Variants in PLEKHH1 observed in about 807,000 individuals in gnomAD.
PLEKHH1 encodes the protein pleckstrin homology, MyTH4 and FERM domain containing H1.
In PLEKHH1, 104 loss-of-function variants were observed where a neutral mutation model predicts 160.0. The ratio of observed to expected loss-of-function variants is 0.65; its 90% CI spans 0.55 to 0.76. The LOEUF is 0.76. Among genes scored for constraint, PLEKHH1 ranks in the 30% least tolerant of loss-of-function variants. PLEKHH1 has a pLI of 0.00. For synonymous variants in PLEKHH1, 619 were observed against 678.4 expected (o/e 0.91, Z 1.36); for missense variants, 1,427 against 1,724.1 (o/e 0.83, Z 3.05).
chr14:67,547,464 G>A (rs1030194140), intron 2 of PLEKHH1, among the ~76,000 whole-genome samples: 1 of 152,214 alleles, frequency 6.6e-6, no homozygotes, highest in Admixed American at 6.5e-5. Context: ...GGGTTTCTTA[G>A]GAGAGCTCCT....
rs764522434 is a variant in PLEKHH1, at chr14:67,571,773, A to G, written c.1456A>G (p.Met486Val). The G allele has an allele frequency of 6.2e-7, 1 of 1,613,956 alleles. No individual in the cohort carries two copies. The highest frequency in any genetic ancestry group is 8.5e-7 in the Non-Finnish European group (1 of 1,179,862). Reference protein sequence around the residue: ...LKGRATQISNMPFMDESSGSD... With the variant: ...LKGRATQISNVPFMDESSGSD... ...GCAGAGAGCTACACAGATCAGCAAC[A>G]TGCCCTTTATGGACGAGTCCTCTGG... The change falls in exon 10 of 29, where the codon ATG becomes GTG. Residue 486 changes from methionine to valine, a missense_variant. Physicochemically the swap from Met to Val is conservative, Grantham distance 21. This residue lies in a region of PLEKHH1 where 831 missense variants were observed against 929.2 expected (regional missense o/e 0.89). Transcript: ENST00000329153.
chr14:67,586,090 CT>C lies in PLEKHH1; in HGVS notation c.3927del (p.Lys1311ArgfsTer13). 1 of 1,613,888 alleles carries C rather than the reference CT, an allele frequency of 6.2e-7. No individual in the cohort carries two copies. Among genetic ancestry groups the C allele is most frequent in the African/African-American group, 1.3e-5 (1 of 75,046 alleles). On this transcript the variant is annotated frameshift_variant, in exon 28 of 29. Coordinates refer to ENST00000329153, the MANE Select transcript of PLEKHH1 (RefSeq NM_020715.3). LOFTEE classifies it high-confidence loss of function. ...GAGAAGTTGATCTTCCGGATGGCTG[CT>C]CCCAAGGTAGGTCTGACAGCTGTTA... The part of the protein sequence containing the change: ...HIEKLIFRMA[A>X]PKIAEATFIM...
intron 1 of PLEKHH1, among the ~76,000 whole-genome samples, chr14:67,538,515 G>A (rs1485908880): frequency 6.6e-6 from 1 of 152,184 alleles, no homozygotes; most frequent in Non-Finnish European, 1.5e-5. Context: ...TTTTATGGGA[G>A]GTATAAGTGC....
rs1426453871 is a variant in PLEKHH1, at chr14:67,577,287, C to T, written c.2462-15C>T. 1 of 1,534,850 alleles carries T rather than the reference C, an allele frequency of 6.5e-7. No individual in the cohort carries two copies. Among genetic ancestry groups the T allele is most frequent in the Non-Finnish European group, 8.8e-7 (1 of 1,131,992 alleles). On this transcript the variant is annotated splice_polypyrimidine_tract_variant and intron_variant, in intron 17 of 28. Coordinates refer to ENST00000329153, the MANE Select transcript of PLEKHH1 (RefSeq NM_020715.3). Reference sequence around the variant, plus strand: ...TAGTAACTGCCCTTGCTCTCTGGTTCCGTGCTTTGGGCAGATTCGCCGCTC... The same window carrying T: ...TAGTAACTGCCCTTGCTCTCTGGTTTCGTGCTTTGGGCAGATTCGCCGCTC...
rs978665741 is a variant in PLEKHH1 at position 67,584,180 on chromosome 14, TG to T, written c.3699+57del. 24 of 1,570,240 alleles carry T rather than the reference TG, an allele frequency of 1.5e-5. No individual in the cohort carries two copies. In the Admixed American group the frequency reaches 2.7e-4, roughly 18 times the overall value. ...CCTTAGGTGTGTCCCCAACTGCTCA[TG>T]TTTGAGCCATACCAATTTGCAGCCC... is the stretch of plus-strand genomic sequence containing the variant. On this transcript the variant is annotated intron_variant, in intron 26 of 28. Coordinates refer to ENST00000329153, the MANE Select transcript of PLEKHH1 (RefSeq NM_020715.3).
At position 67,587,064 on chromosome 14, in the gene PLEKHH1, C is replaced by T. The variant is rs1188708510; in HGVS notation, c.3934-10C>T. On this transcript the variant is annotated splice_polypyrimidine_tract_variant and intron_variant, in intron 28 of 28. Transcript: ENST00000329153. The stretch of plus-strand genomic sequence containing the variant: ...AGTTCAATTCCTTCACATCTCTGAC[C>T]TCCTCTTAGATTGCAGAAGCTACCT... 5.9e-5 allele frequency: 94 copies of T among 1,582,514 alleles called. No homozygotes were observed. The highest frequency in any genetic ancestry group is 7.9e-5 in the Non-Finnish European group (92 of 1,161,696).
Position 67,574,702 on chromosome 14 carries a change from C to T in PLEKHH1, c.2088+299C>T, listed in dbSNP as rs1047502434. The stretch of plus-strand genomic sequence containing the variant: ...GGCTGTCACCCACCCCCACCTTATA[C>T]CTGCCTCAGTGTTAATAGTGGGAGG... On this transcript the variant is annotated intron_variant, in intron 14 of 28. Coordinates refer to ENST00000329153, the MANE Select transcript of PLEKHH1 (RefSeq NM_020715.3). The surrounding 1 kb of genome is among the most constrained non-coding windows in gnomAD (Gnocchi z 4.2). 6.6e-6 allele frequency among the ~76,000 whole-genome samples: 1 copy of T among 151,848 alleles called. No homozygotes were observed. Among genetic ancestry groups the T allele is most frequent in the Non-Finnish European group, 1.5e-5 (1 of 67,908 alleles).
At chr14:67,566,749 GA>G (rs58616303) in intron 7 of PLEKHH1, among the ~76,000 whole-genome samples, 49,302 of 134,016 alleles carry the variant, frequency 0.37, 8,565 homozygotes, top group Admixed American at 0.4. Flanking sequence ...ACCCTGTCTT[GA>G]AAAAAAAAAA....
At chr14:67,569,689 A>C in intron 8 of PLEKHH1, 1 of 569,284 alleles carries the variant, frequency 1.8e-6, no homozygotes. Context: ...GGAGGAAAAA[A>C]TGGTTAAAGG....
At chr14:67,561,869 CAAAAAAAA>C in intron 5 of PLEKHH1, 77 bp from the exon 6 acceptor site, 1 of 755,740 alleles carries the variant, frequency 1.3e-6, no homozygotes, top group Non-Finnish European at 2.0e-6. Flanking sequence ...GACCCTGTCT[CAAAAAAAA>C]AAAAAAAAAG....
At chr14:67,534,227 A>C (rs1480123258) in intron 1 of PLEKHH1, among the ~76,000 whole-genome samples, 1 of 152,168 alleles carries the variant, frequency 6.6e-6, no homozygotes, top group Non-Finnish European at 1.5e-5. Context: ...CATCGGTATT[A>C]GTGTTTCTGC....
At chr14:67,541,219 A>C (rs2033952440) in intron 1 of PLEKHH1, among the ~76,000 whole-genome samples, 1 of 152,200 alleles carries the variant, frequency 6.6e-6, no homozygotes, top group East Asian at 1.9e-4. Context: ...TTTTATATAG[A>C]TGAAATAGAA....
chr14:67,536,436 A>C (rs2033721649), intron 1 of PLEKHH1, among the ~76,000 whole-genome samples: 1 of 151,826 alleles, frequency 6.6e-6, no homozygotes, highest in African/African-American at 2.4e-5. Context: ...AGTCATACAG[A>C]TACTCACACT....
rs756350248 is a variant in PLEKHH1 at position 67,574,400 on chromosome 14, C to T, written c.2085C>T (p.Thr695=). The T allele has an allele frequency of 6.4e-7, 1 of 1,562,332 alleles. No individual in the cohort carries two copies. Among genetic ancestry groups the T allele is most frequent in the Admixed American group, 2.0e-5 (1 of 50,602 alleles). Reference sequence around the variant, plus strand: ...AGCCCACCGTGAAGGGCTGGCTGACCAAGGTAGAGGGTGGGGCTGATAGGG... The same window carrying T: ...AGCCCACCGTGAAGGGCTGGCTGACTAAGGTAGAGGGTGGGGCTGATAGGG... ...GTKPTVKGWL[T]KVKHGHSKVV... The change falls in exon 14 of 29, where the codon ACC becomes ACT. Residue 695 remains threonine (T), a synonymous_variant. Transcript: ENST00000329153. The surrounding 1 kb of genome is among the most constrained non-coding windows in gnomAD (Gnocchi z 4.2).
intron 7 of PLEKHH1, 161 bp from the exon 8 acceptor site, chr14:67,568,977 T>C (rs2035239606): frequency 1.0e-5 from 6 of 588,910 alleles, no homozygotes; most frequent in African/African-American, 9.4e-5. Flanking sequence ...CAGAGGAAAA[T>C]GAGTCTCAGA....
rs921040217 is a variant in PLEKHH1 at position 67,573,237 on chromosome 14, G to A, written c.1729-39G>A. On this transcript the variant is annotated intron_variant, in intron 11 of 28. Transcript: ENST00000329153. The surrounding 1 kb of genome is among the most constrained non-coding windows in gnomAD (Gnocchi z 4.8). ...TGTGTGATGTCTAGGAGCCCTGAGT[G>A]ATTTCCCCTTTCTTCATCTACACCC... is the stretch of plus-strand genomic sequence containing the variant. The A allele has an allele frequency of 7.6e-7, 1 of 1,309,928 alleles. No individual in the cohort carries two copies. The highest frequency in any genetic ancestry group is 1.4e-5 in the African/African-American group (1 of 69,250). 81.1% of individuals were successfully genotyped at this position (1,309,928 alleles called of 1,614,324 possible). A position where few individuals can be genotyped will look rare whatever the true frequency, so the allele number is the denominator to read the frequency against.
intron 2 of PLEKHH1, among the ~76,000 whole-genome samples, chr14:67,542,608 A>C (rs1265202026): frequency 1.3e-5 from 2 of 152,238 alleles, no homozygotes; most frequent in African/African-American, 4.8e-5. Flanking sequence ...TATTTTATTT[A>C]CAGGTTTGGG....
chr14:67,554,918 T>A (rs543902285), intron 2 of PLEKHH1, among the ~76,000 whole-genome samples: 59 of 152,304 alleles, frequency 3.9e-4, no homozygotes, highest in African/African-American at 1.3e-3. Flanking sequence ...TTTACTTTTT[T>A]AAATTTTTTT....
chr14:67,533,714 T>G (rs899567230), intron 1 of PLEKHH1: 2 of 152,178 alleles, frequency 1.3e-5, no homozygotes, highest in Admixed American at 1.3e-4. Flanking sequence ...CACCTTGCTA[T>G]CGGTGCTCGC....
Sources: gnomAD v4.1 joint callset for allele counts (sites outside exome capture counted in the v4.1 genomes callset) on GRCh38, gnomAD v4.1.1 for gene constraint, gnomAD v4.1.1 regional missense constraint, Gnocchi (gnomAD v3.1) non-coding constraint, MANE v1.5 for transcripts, NCBI Gene and HGNC (gene_info 2026-07-23, HGNC 2026-07-21) for gene names.